The following MSH3 variants were observed in gnomAD, a reference collection of about 807,000 sequenced individuals.
The protein encoded by MSH3 is mutS homolog 3.
In MSH3, 106 loss-of-function variants were observed where a neutral mutation model predicts 123.3. The ratio of observed to expected loss-of-function variants is 0.86; its 90% CI spans 0.73 to 1.01. The LOEUF (loss-of-function observed/expected upper bound fraction) is 1.01. Ranked by LOEUF, MSH3 falls within the 50% of genes least tolerant of loss-of-function variation. MSH3 has a pLI of 0.00. For missense variants in MSH3, 1,459 were observed against 1,347.6 expected, an observed-to-expected ratio of 1.08 and a Z score of -1.29; for synonymous variants, 515 against 481.4, an observed-to-expected ratio of 1.07 and a Z score of -0.91.
intron 8 of MSH3, among the ~76,000 whole-genome samples, chr5:80,691,274 A>G (rs1750238437): frequency 6.6e-6 from 1 of 151,974 alleles, no homozygotes; most frequent in Non-Finnish European, 1.5e-5. Context: ...GTTTATAAAA[A>G]TGAATAGTGT....
intron 3 of MSH3, among the ~76,000 whole-genome samples, chr5:80,669,003 A>T (rs1364926884): frequency 6.6e-6 from 1 of 152,172 alleles, no homozygotes; most frequent in Non-Finnish European, 1.5e-5. Flanking sequence ...GCTGCTCCAG[A>T]TGGGCTGCCA....
chr5:80,735,236 T>G (rs1467054092), intron 10 of MSH3, among the ~76,000 whole-genome samples: 4 of 151,720 alleles, frequency 2.6e-5, no homozygotes, highest in African/African-American at 9.7e-5. Context: ...ATACAAAAAT[T>G]AGCCGGGCAT....
intron 17 of MSH3, among the ~76,000 whole-genome samples, chr5:80,779,551 T>C (rs1744372074): frequency 7.5e-6 from 1 of 132,686 alleles, no homozygotes; most frequent in Non-Finnish European, 1.6e-5. Context: ...TTAACATTAA[T>C]TTTTTTTTTT....
intron 8 of MSH3, among the ~76,000 whole-genome samples, chr5:80,704,586 G>C: frequency 6.6e-6 from 1 of 152,154 alleles, no homozygotes. Flanking sequence ...TTTTTGCCTG[G>C]TAAGCCCATC....
In MSH3 at chr5:80,854,435, C is replaced by T. The variant is rs1414548740; in HGVS notation, c.3000+119C>T. 3.5e-6 allele frequency: 3 copies of T among 847,044 alleles called. No individual in the cohort carries two copies. The Admixed American group carries it at 6.8e-5, about 19-fold the overall frequency. The allele number at this position is 847,044 out of a possible 1,614,324, so 52.5% of individuals were successfully genotyped here. A position where few individuals can be genotyped will look rare whatever the true frequency, so the allele number is the denominator to read the frequency against. On this transcript the variant is annotated intron_variant, in intron 21 of 23. Coordinates refer to ENST00000265081, the MANE Select transcript of MSH3 (RefSeq NM_002439.5). ...AATGTGATGTTTTGAAACATATAAA[C>T]AATATGGAGTGATTAAATTAACCTA...
At chr5:80,692,581 GAGATAAACATGTATATGTTTATATAGA>G (rs1561445136) in intron 8 of MSH3, among the ~76,000 whole-genome samples, 6 of 81,466 alleles carry the variant, frequency 7.4e-5, no homozygotes, top group African/African-American at 2.7e-4. Context: ...TTTATATAGA[GAGATAAACATGTATATGTTTATATAGA>G]TGAATATATA....
chr5:80,810,196 A>ATATATATATATATATATATATATAT (rs1744985808), intron 19 of MSH3, among the ~76,000 whole-genome samples: 2 of 52,876 alleles, frequency 3.8e-5, no homozygotes, highest in African/African-American at 8.3e-5. Flanking sequence ...TATATATATA[A>ATATATATATATATATATATATATAT]ACTAGTAGCA....
intron 19 of MSH3, among the ~76,000 whole-genome samples, chr5:80,795,223 C>T (rs973320059): frequency 1.3e-5 from 2 of 152,086 alleles, no homozygotes; most frequent in African/African-American, 4.8e-5. Flanking sequence ...AAGGGAAATA[C>T]TTTGAATGAC....
intron 16 of MSH3, among the ~76,000 whole-genome samples, chr5:80,776,066 T>A (rs1418704582): frequency 6.6e-6 from 1 of 152,036 alleles, no homozygotes; most frequent in Non-Finnish European, 1.5e-5. Flanking sequence ...ATTTTTGTAT[T>A]TTTAGTAGAG....
chr5:80,836,180 C>T (rs967636030), intron 20 of MSH3, among the ~76,000 whole-genome samples: 7 of 152,120 alleles, frequency 4.6e-5, no homozygotes, highest in African/African-American at 9.7e-5. Context: ...TCCTTTTGCT[C>T]CATGATCAGT....
Position 80,810,172 on chromosome 5 carries a change from C to CATACATAT in MSH3, c.2656-3409_2656-3408insCATATATA, listed in dbSNP as rs375421949. Among the ~76,000 whole-genome samples, 31 of 121,574 alleles carry CATACATAT rather than the reference C, an allele frequency of 2.5e-4. No individual in the cohort carries two copies. The East Asian group carries it at 2.9e-3, about 11-fold the overall frequency. The allele number at this position is 121,574 out of a possible 152,430, so 79.8% of individuals were successfully genotyped here. On this transcript the variant is annotated intron_variant, in intron 19 of 23. Transcript: ENST00000265081. The stretch of plus-strand genomic sequence containing the variant: ...GGTTTTTATTCTTTTGTTTGACATA[C>CATACATAT]ATATATATATATATATATATATAAA...
intron 20 of MSH3, among the ~76,000 whole-genome samples, chr5:80,816,155 C>T (rs918645047): frequency 3.3e-5 from 5 of 152,168 alleles, no homozygotes; most frequent in Admixed American, 2.6e-4. Flanking sequence ...TACAAAGGAA[C>T]CACAGTTTTT....
At chr5:80,681,978 T>C (rs1749978221) in intron 8 of MSH3, among the ~76,000 whole-genome samples, 1 of 152,228 alleles carries the variant, frequency 6.6e-6, no homozygotes, top group South Asian at 2.1e-4. Flanking sequence ...CTAGTTAGCA[T>C]TGTAAATAAT....
intron 12 of MSH3, among the ~76,000 whole-genome samples, chr5:80,757,235 T>C (rs1743942422): frequency 6.6e-6 from 1 of 152,170 alleles, no homozygotes; most frequent in South Asian, 2.1e-4. Context: ...GTTACAGATA[T>C]TCCCATTATA....
At chr5:80,857,412 T>A (rs1318781132) in intron 21 of MSH3, among the ~76,000 whole-genome samples, 4 of 152,182 alleles carry the variant, frequency 2.6e-5, no homozygotes, top group African/African-American at 9.7e-5. Flanking sequence ...TAGAATGAGT[T>A]AGAAAGTATT....
At chr5:80,732,535 A>G (rs1455540013) in intron 10 of MSH3, among the ~76,000 whole-genome samples, 1 of 152,144 alleles carries the variant, frequency 6.6e-6, no homozygotes, top group Non-Finnish European at 1.5e-5. Context: ...ATATTTCCCT[A>G]AAAAACACAT....
chr5:80,856,707 TA>T (rs1028678802), intron 21 of MSH3, among the ~76,000 whole-genome samples: 4 of 151,628 alleles, frequency 2.6e-5, no homozygotes, highest in Admixed American at 1.3e-4. Context: ...ATAATAATAA[TA>T]AAAAAAAGAA....
intron 20 of MSH3, among the ~76,000 whole-genome samples, chr5:80,843,951 T>C (rs944564048): frequency 6.6e-6 from 1 of 151,774 alleles, no homozygotes; most frequent in African/African-American, 2.4e-5. Context: ...CTTTTGAATT[T>C]GTTTGCTCTT....
chr5:80,861,878 CT>C (rs1191254593), intron 21 of MSH3, among the ~76,000 whole-genome samples: 3 of 152,102 alleles, frequency 2.0e-5, no homozygotes, highest in Non-Finnish European at 4.4e-5. Context: ...TTGCCTGTGA[CT>C]TCATTTTTCT....
Sources: gnomAD v4.1 joint callset for allele counts (sites outside exome capture counted in the v4.1 genomes callset) on GRCh38, gnomAD v4.1.1 for gene constraint, MANE v1.5 for transcripts, NCBI Gene and HGNC (gene_info 2026-07-23, HGNC 2026-07-21) for gene names.